Variants in RBM19 observed in about 807,000 individuals in gnomAD.
The protein encoded by RBM19 is probable RNA-binding protein 19.
A neutral mutation model predicts 116.8 loss-of-function variants in RBM19; 94 were observed. The ratio of observed to expected loss-of-function variants is 0.80; its 90% CI spans 0.68 to 0.95. RBM19 has a LOEUF of 0.95. Among genes scored for constraint, RBM19 ranks in the 40% least tolerant of loss-of-function variants. RBM19 has a pLI of 0.00. For missense variants in RBM19, 1,161 were observed against 1,220.7 expected (o/e 0.95, Z 0.73); for synonymous variants, 475 against 494.1 (o/e 0.96, Z 0.51).
chr12:113,936,597 C>T (rs1232623623), intron 16 of RBM19, among the ~76,000 whole-genome samples: 2 of 152,214 alleles, frequency 1.3e-5, no homozygotes, highest in African/African-American at 2.4e-5. Flanking sequence ...ACGGCTTCCC[C>T]TTCCTTTCCT....
At chr12:113,877,211 C>T (rs1879734791) in intron 21 of RBM19, among the ~76,000 whole-genome samples, 1 of 152,248 alleles carries the variant, frequency 6.6e-6, no homozygotes, top group African/African-American at 2.4e-5. Flanking sequence ...TCCTCTGATA[C>T]ACCAGTGACC....
chr12:113,922,604 T>C (rs1338784130), intron 18 of RBM19, among the ~76,000 whole-genome samples: 1 of 150,880 alleles, frequency 6.6e-6, no homozygotes, highest in Non-Finnish European at 1.5e-5. Context: ...ATCCTGGACT[T>C]CAGCAATAAC....
chr12:113,907,302 A>G (rs559126876), intron 21 of RBM19, among the ~76,000 whole-genome samples: 17 of 152,320 alleles, frequency 1.1e-4, no homozygotes, highest in Admixed American at 1.0e-3. Context: ...CCATTAGAAC[A>G]TAAGAGCCAC....
chr12:113,824,454 AC>A (rs1161355290), intron 23 of RBM19, among the ~76,000 whole-genome samples: 14 of 152,100 alleles, frequency 9.2e-5, no homozygotes, highest in Non-Finnish European at 1.3e-4. Flanking sequence ...TGCTAGTCTA[AC>A]CACTTGTCGA....
At chr12:113,844,423 G>A (rs906408799) in intron 23 of RBM19, among the ~76,000 whole-genome samples, 3 of 152,320 alleles carry the variant, frequency 2.0e-5, no homozygotes, top group South Asian at 2.1e-4. Flanking sequence ...GACCTAACCC[G>A]ACTGCAACCC....
intron 13 of RBM19, among the ~76,000 whole-genome samples, chr12:113,944,608 G>A (rs1870859113): frequency 6.6e-6 from 1 of 151,922 alleles, no homozygotes; most frequent in South Asian, 2.1e-4. Context: ...GACCAGACTG[G>A]GCCACATAGT....
At chr12:113,962,155 G>T in intron 2 of RBM19, 77 bp downstream of exon 2, 1 of 1,527,540 alleles carries the variant, frequency 6.5e-7, no homozygotes, top group Non-Finnish European at 9.0e-7. Context: ...GACGGTCTTT[G>T]AACTCAAGTG....
At chr12:113,908,573 C>CAAAAAAAAAAA (rs11338829) in intron 21 of RBM19, among the ~76,000 whole-genome samples, 5 of 33,222 alleles carry the variant, frequency 1.5e-4, no homozygotes, top group Non-Finnish European at 1.7e-4. Context: ...AAGAAAATAG[C>CAAAAAAAAAAA]AAAAAAAAAA....
chr12:113,955,257 G>C, intron 6 of RBM19, 46 bp from the exon 7 acceptor site: 1 of 1,568,596 alleles, frequency 6.4e-7, no homozygotes, highest in Non-Finnish European at 8.8e-7. Flanking sequence ...CTAACCCTTC[G>C]TACAGCTGCA....
chr12:113,966,291 G>T lies in RBM19; in HGVS notation c.-64C>A. ...GTCAGCGTCTTCCACCAAGTTTCAC[G>T]CTACCGCCCTGGGCGCCGCCATCTT... is the stretch of plus-strand genomic sequence containing the variant. On this transcript the variant is annotated 5_prime_UTR_variant, in exon 1 of 24. Transcript: ENST00000261741. 1 of 1,603,768 alleles carries T rather than the reference G, an allele frequency of 6.2e-7. No homozygotes were observed.
At chr12:113,931,633 G>A (rs543169277) in intron 16 of RBM19, among the ~76,000 whole-genome samples, 6 of 151,868 alleles carry the variant, frequency 4.0e-5, no homozygotes, top group African/African-American at 7.2e-5. Flanking sequence ...CTTCTCTCCC[G>A]TCACCTCCGT....
chr12:113,898,275 A>C lies in RBM19; in HGVS notation c.2558+16694T>G, dbSNP rs1369804454. Among the ~76,000 whole-genome samples, 1 of 152,162 alleles carries C rather than the reference A, an allele frequency of 6.6e-6. No individual in the cohort carries two copies. The highest frequency in any genetic ancestry group is 1.5e-5 in the Non-Finnish European group (1 of 68,028). On this transcript the variant is annotated intron_variant, in intron 21 of 23. Coordinates refer to ENST00000261741, the MANE Select transcript of RBM19 (RefSeq NM_016196.4). The surrounding 1 kb of genome is among the most constrained non-coding windows in gnomAD (Gnocchi z 4.3). The stretch of plus-strand genomic sequence containing the variant: ...TTTTCTGTTTTTATTTAGACAGTCT[A>C]ATTTTTAATACGTGTACATACATGT...
At chr12:113,885,918 G>A (rs147958405) in intron 21 of RBM19, among the ~76,000 whole-genome samples, 3,301 of 148,798 alleles carry the variant, frequency 0.022, 49 homozygotes, top group Non-Finnish European at 0.033. Context: ...GCCCAGGCTG[G>A]AGTGCAGTGG....
intron 21 of RBM19, among the ~76,000 whole-genome samples, chr12:113,875,150 G>C (rs528240347): frequency 3.3e-5 from 5 of 152,388 alleles, no homozygotes; most frequent in Non-Finnish European, 5.9e-5. Flanking sequence ...AGGGGACAGG[G>C]AGCACGGGAG....
intron 16 of RBM19, among the ~76,000 whole-genome samples, chr12:113,934,021 G>A (rs538784842): frequency 2.6e-5 from 4 of 152,250 alleles, no homozygotes; most frequent in East Asian, 1.9e-4. Context: ...GTGCAATCTC[G>A]GCTCACTGCA....
At chr12:113,816,773 A>G (rs1475844964) in exon 25 of RBM19, 1 of 152,216 alleles carries the variant, frequency 6.6e-6, no homozygotes, top group Admixed American at 6.5e-5. Flanking sequence ...GACGGCTGAA[A>G]AAAATGATTA....
In RBM19 at chr12:113,955,126, C is replaced by T; in HGVS notation, c.921+5G>A. ...TGCCGACCCTTGTCCTCAGTTAGCA[C>T]ATACCTCTGTGACATTGAACGGGGC... On this transcript the variant is annotated splice_donor_5th_base_variant and intron_variant, in intron 7 of 23. Transcript: ENST00000261741. The T allele has an allele frequency of 6.2e-7, 1 of 1,613,982 alleles. No homozygotes were observed. Among genetic ancestry groups the T allele is most frequent in the South Asian group, 1.1e-5 (1 of 91,072 alleles).
At chr12:113,911,646 G>GC (rs748730149) in intron 21 of RBM19, among the ~76,000 whole-genome samples, 6 of 152,176 alleles carry the variant, frequency 3.9e-5, no homozygotes, top group Admixed American at 1.3e-4. Flanking sequence ...CCGATGAGCA[G>GC]CGTGGTGGCC....
intron 23 of RBM19, among the ~76,000 whole-genome samples, chr12:113,833,941 T>A (rs1416839288): frequency 6.6e-6 from 1 of 151,988 alleles, no homozygotes; most frequent in African/African-American, 2.4e-5. Context: ...AGACGGGGTC[T>A]CGCTATGTGG....
Sources: allele counts gnomAD v4.1 joint callset (sites outside exome capture counted in the v4.1 genomes callset), GRCh38; gene constraint gnomAD v4.1.1; non-coding constraint Gnocchi (gnomAD v3.1); transcripts MANE v1.5; gene names NCBI Gene and HGNC (gene_info 2026-07-23, HGNC 2026-07-21).